DEFB123: variants seen among roughly 807,000 people sequenced by gnomAD.
DEFB123 encodes the protein beta-defensin 123.
For synonymous variants in DEFB123, 22 were observed against 28.3 expected, an observed-to-expected ratio of 0.78 and a Z score of 0.71; for missense variants, 71 against 75.0, an observed-to-expected ratio of 0.95 and a Z score of 0.20.
At chr20:31,440,808 T>C (rs776137655) in intron 1 of DEFB123, 52 bp downstream of exon 1, 1 of 1,602,866 alleles carries the variant, frequency 6.2e-7, no homozygotes, top group Non-Finnish European at 8.5e-7. Context: ...TAAGGCCTGG[T>C]CAGAGAATCC....
chr20:31,449,634 G>A (rs1388575562), intron 1 of DEFB123, among the ~76,000 whole-genome samples: 1 of 151,968 alleles, frequency 6.6e-6, no homozygotes, highest in Non-Finnish European at 1.5e-5. Context: ...CAGGCATAGT[G>A]GCACATGTCT....
intron 1 of DEFB123, among the ~76,000 whole-genome samples, chr20:31,445,731 G>A (rs1394662626): frequency 1.3e-5 from 2 of 152,066 alleles, no homozygotes; most frequent in African/African-American, 4.8e-5. Flanking sequence ...GTAAAGACGG[G>A]GGTTTCACCA....
chr20:31,443,027 G>A (rs929612059), intron 1 of DEFB123, among the ~76,000 whole-genome samples: 4 of 152,200 alleles, frequency 2.6e-5, no homozygotes, highest in Non-Finnish European at 5.9e-5. Flanking sequence ...CAAGTGCAAG[G>A]GTCCTGGGAT....
intron 1 of DEFB123, among the ~76,000 whole-genome samples, chr20:31,444,619 G>C (rs1600551441): frequency 1.3e-5 from 2 of 152,294 alleles, no homozygotes; most frequent in East Asian, 1.9e-4. Flanking sequence ...CTCACCAATA[G>C]TTCCTCTTGA....
At chr20:31,446,337 C>CAA (rs1979584646) in intron 1 of DEFB123, among the ~76,000 whole-genome samples, 1 of 152,158 alleles carries the variant, frequency 6.6e-6, no homozygotes, top group Non-Finnish European at 1.5e-5. Context: ...ATGGAAAGTA[C>CAA]AAAATGAGGA....
At chr20:31,445,180 G>A (rs999137909) in intron 1 of DEFB123, among the ~76,000 whole-genome samples, 1 of 152,184 alleles carries the variant, frequency 6.6e-6, no homozygotes, top group African/African-American at 2.4e-5. Flanking sequence ...TGTATCCAGA[G>A]GTTTGATCAG....
chr20:31,443,197 G>A (rs1019638910), intron 1 of DEFB123, among the ~76,000 whole-genome samples: 1 of 152,060 alleles, frequency 6.6e-6, no homozygotes, highest in Non-Finnish European at 1.5e-5. Context: ...CCACTGACTC[G>A]ACCCTTCATC....
rs1979447718 is a variant in DEFB123, at chr20:31,440,864, A to G, written c.58+108A>G. On this transcript the variant is annotated intron_variant, in intron 1 of 1. Transcript: ENST00000376309. ...TGCAGGTTGTCATCTAGCACCACGT[A>G]TAGGAGGCAGGAGGCGCCTCACCAG... 1.2e-5 allele frequency: 17 copies of G among 1,375,346 alleles called. No individual in the cohort carries two copies. In the South Asian group the frequency reaches 1.5e-4, roughly 12 times the overall value. The allele number at this position is 1,375,346 out of a possible 1,614,324, so 85.2% of individuals were successfully genotyped here.
chr20:31,447,780 CTTTTTTTTTTTTTT>C lies in DEFB123; in HGVS notation c.59-2238_59-2225del, dbSNP rs34763122. Among the ~76,000 whole-genome samples the C allele has an allele frequency of 5.0e-4, 32 of 64,492 alleles. No individual in the cohort carries two copies. The East Asian group carries it at 0.011, about 22-fold the overall frequency. The allele number at this position is 64,492 out of a possible 152,430, so 42.3% of individuals were successfully genotyped here. On this transcript the variant is annotated intron_variant, in intron 1 of 1. Transcript: ENST00000376309. ...TACAGGTGCACACCAACACACCCGG[CTTTTTTTTTTTTTT>C]TTTTTTTTTTGAGACGGAGTCCCGC...
rs1209361662 is a variant in DEFB123, at chr20:31,450,061, A to AAATGC, written c.92_96dup (p.Arg33AsnfsTer17). ...CCAAAGATGCTGGAATCTTTATGGC[A>AAATGC]AATGCCGTTACAGATGCTCCAAGAA... On this transcript the variant is annotated frameshift_variant, in exon 2 of 2. Transcript: ENST00000376309. LOFTEE classifies it low-confidence loss of function (END_TRUNC). 1.2e-6 allele frequency: 2 copies of AAATGC among 1,611,720 alleles called. No homozygotes were observed. Among genetic ancestry groups the AAATGC allele is most frequent in the African/African-American group, 2.7e-5 (2 of 74,820 alleles).
chr20:31,447,103 A>C (rs904438809), intron 1 of DEFB123, among the ~76,000 whole-genome samples: 1 of 152,008 alleles, frequency 6.6e-6, no homozygotes, highest in African/African-American at 2.4e-5. Flanking sequence ...TCTCTACTAA[A>C]AATACAGAAT....
chr20:31,449,279 G>T (rs1311368380), intron 1 of DEFB123, among the ~76,000 whole-genome samples: 1 of 151,618 alleles, frequency 6.6e-6, no homozygotes. Context: ...CTCCTTTAAA[G>T]AGTTAGATAT....
At chr20:31,445,847 A>T (rs1236121244) in intron 1 of DEFB123, among the ~76,000 whole-genome samples, 1 of 152,198 alleles carries the variant, frequency 6.6e-6, no homozygotes, top group African/African-American at 2.4e-5. Context: ...GGCCGACGAA[A>T]TAATTTTTGT....
rs542507379 is a variant in DEFB123 at position 31,450,248 on chromosome 20, C to T, written c.*74C>T. 2.0e-6 allele frequency: 3 copies of T among 1,486,296 alleles called. No homozygotes were observed. The highest frequency in any genetic ancestry group is 2.9e-5 in the South Asian group (2 of 68,784). The allele number at this position is 1,486,296 out of a possible 1,614,324, so 92.1% of individuals were successfully genotyped here. A position where few individuals can be genotyped will look rare whatever the true frequency, so the allele number is the denominator to read the frequency against. On this transcript the variant is annotated 3_prime_UTR_variant, in exon 2 of 2. Transcript: ENST00000376309. ...ATTCCCACACTCTATCAATAAACAC[C>T]TCTGGCTGATCCCTGCGTTTGCCTG...
At position 31,444,794 on chromosome 20, in the gene DEFB123, T is replaced by C. The variant is rs528785215; in HGVS notation, c.58+4038T>C. Among the ~76,000 whole-genome samples the C allele has an allele frequency of 2.0e-5, 3 of 152,268 alleles. No homozygotes were observed. In the South Asian group the frequency reaches 6.2e-4, roughly 32 times the overall value. On this transcript the variant is annotated intron_variant, in intron 1 of 1. Coordinates refer to ENST00000376309, the MANE Select transcript of DEFB123 (RefSeq NM_153324.4). The stretch of plus-strand genomic sequence containing the variant: ...TCTTTGTAACCACCACTCAGGTCAA[T>C]GGACAGAGCATTGACAGTCACTCCG...
chr20:31,446,742 A>G (rs1271575344), intron 1 of DEFB123, among the ~76,000 whole-genome samples: 2 of 152,146 alleles, frequency 1.3e-5, no homozygotes, highest in African/African-American at 2.4e-5. Flanking sequence ...AAAACAGTAT[A>G]CTGTACTTCC....
intron 1 of DEFB123, among the ~76,000 whole-genome samples, chr20:31,444,919 A>G (rs1164273291): frequency 6.6e-6 from 1 of 152,006 alleles, no homozygotes; most frequent in Admixed American, 6.5e-5. Context: ...ATTCCTTTAC[A>G]GTCTCATTGC....
chr20:31,444,709 C>G (rs752675887), intron 1 of DEFB123, among the ~76,000 whole-genome samples: 1 of 152,124 alleles, frequency 6.6e-6, no homozygotes, highest in Non-Finnish European at 1.5e-5. Flanking sequence ...AACACAGAAT[C>G]ACAGATGCTG....
At chr20:31,441,423 T>TC (rs1979460420) in intron 1 of DEFB123, among the ~76,000 whole-genome samples, 1 of 151,722 alleles carries the variant, frequency 6.6e-6, no homozygotes, top group African/African-American at 2.4e-5. Flanking sequence ...GGCAGAGAGG[T>TC]CAGCCTATGC....
Sources: gnomAD v4.1 joint callset for allele counts (sites outside exome capture counted in the v4.1 genomes callset) on GRCh38, gnomAD v4.1.1 for gene constraint, MANE v1.5 for transcripts, NCBI Gene and HGNC (gene_info 2026-07-23, HGNC 2026-07-21) for gene names.